The following NRG4 variants were observed in gnomAD, a reference collection of about 807,000 sequenced individuals.
NRG4 encodes the protein pro-neuregulin-4, membrane-bound isoform.
In NRG4, 10 loss-of-function variants were observed where a neutral mutation model predicts 15.0. The observed-to-expected ratio is 0.67, with a 90% CI of 0.41 to 1.13. NRG4 has a LOEUF of 1.13. Ranked by LOEUF, NRG4 falls within the 50% of genes most tolerant of loss-of-function variation. The probability of loss-of-function intolerance (pLI) is 0.00; values close to 1 mark genes in which losing one functional copy is unlikely to be tolerated. For synonymous variants in NRG4, 41 were observed against 50.1 expected (o/e 0.82, Z 0.77); for missense variants, 139 against 140.2 (o/e 0.99, Z 0.04).
chr15:75,983,464 G>A (rs938808151), intron 3 of NRG4, among the ~76,000 whole-genome samples: 1 of 152,072 alleles, frequency 6.6e-6, no homozygotes, highest in African/African-American at 2.4e-5. Context: ...AACACTCACT[G>A]CTACCCCTAT....
chr15:75,943,741 T>G, intron 5 of NRG4, 87 bp from the exon 6 acceptor site: 1 of 854,330 alleles, frequency 1.2e-6, no homozygotes, highest in Non-Finnish European at 1.9e-6. Flanking sequence ...CTTATCTTCT[T>G]CACATATATA....
intron 5 of NRG4, among the ~76,000 whole-genome samples, chr15:76,024,786 G>A (rs567804466): frequency 6.6e-6 from 1 of 152,288 alleles, no homozygotes; most frequent in Non-Finnish European, 1.5e-5. Flanking sequence ...GATTACAGCT[G>A]AAGAAACTAC....
chr15:75,960,177 G>A (rs1460359119), intron 4 of NRG4, among the ~76,000 whole-genome samples: 2 of 152,146 alleles, frequency 1.3e-5, no homozygotes, highest in Non-Finnish European at 2.9e-5. Flanking sequence ...AATAACAGAT[G>A]GAAACTATAT....
chr15:76,026,632 G>C (rs1335331593), intron 5 of NRG4, among the ~76,000 whole-genome samples: 1 of 152,042 alleles, frequency 6.6e-6, no homozygotes, highest in Non-Finnish European at 1.5e-5. Flanking sequence ...ATACAAAGGA[G>C]AAAGAGAAAG....
chr15:75,972,820 G>A lies in NRG4; in HGVS notation c.105-10846C>T, dbSNP rs115825215. On this transcript the variant is annotated intron_variant, in intron 3 of 5. Transcript: ENST00000394907. ...CAGGTAGGGGGATGCCTTCAGCTTT[G>A]TTCTTCTTGTCCAGGACTGTCTTGG... Among the ~76,000 whole-genome samples, 268 of 152,250 alleles carry A rather than the reference G, an allele frequency of 1.8e-3. 2 individuals carry two copies. The highest frequency in any genetic ancestry group is 6.2e-3 in the African/African-American group (257 of 41,552).
intron 3 of NRG4, among the ~76,000 whole-genome samples, chr15:75,995,523 C>CG (rs1354264030): frequency 1.3e-5 from 2 of 152,064 alleles, no homozygotes; most frequent in African/African-American, 4.8e-5. Flanking sequence ...CCCCCCCGCC[C>CG]CAAACACTAG....
chr15:75,956,139 A>C, intron 4 of NRG4, 128 bp from the exon 5 acceptor site: 1 of 604,274 alleles, frequency 1.7e-6, no homozygotes, highest in Non-Finnish European at 3.0e-6. Context: ...ATCAAATGAA[A>C]GTATAAACTT....
rs199675455 is a variant in NRG4 at position 75,959,335 on chromosome 15, ATATTCT to A, written c.251+2487_251+2492del. Among the ~76,000 whole-genome samples the A allele has an allele frequency of 9.4e-3, 1,425 of 152,200 alleles. 19 individuals are homozygous for A. The highest frequency in any genetic ancestry group is 0.031 in the African/African-American group (1,279 of 41,496). On this transcript the variant is annotated intron_variant, in intron 4 of 5. Transcript: ENST00000394907. ...TCAACAATTCCCAGTGGAATAGCAG[ATATTCT>A]TATAAATCCTTTGGTCACTATATTA...
intron 5 of NRG4, among the ~76,000 whole-genome samples, chr15:75,953,277 A>G (rs767976628): frequency 2.0e-5 from 3 of 152,174 alleles, no homozygotes; most frequent in Non-Finnish European, 4.4e-5. Flanking sequence ...AAAGACTATT[A>G]TTACCCCCCA....
chr15:75,939,642 T>C (rs980859716), downstream of NRG4: 4 of 152,140 alleles, frequency 2.6e-5, no homozygotes, highest in African/African-American at 7.2e-5. Context: ...CAATTGTCAA[T>C]ACTAGGAAAC....
At chr15:76,006,667 T>C (rs1043033029) in intron 3 of NRG4, among the ~76,000 whole-genome samples, 1 of 152,202 alleles carries the variant, frequency 6.6e-6, no homozygotes, top group Non-Finnish European at 1.5e-5. Flanking sequence ...TTTCAGCTAC[T>C]CCCAATTACT....
chr15:76,006,426 T>A (rs2034608031), intron 3 of NRG4, among the ~76,000 whole-genome samples: 1 of 152,240 alleles, frequency 6.6e-6, no homozygotes, highest in Non-Finnish European at 1.5e-5. Flanking sequence ...AATATGATTT[T>A]AAATATATCT....
chr15:75,979,119 A>T (rs933792286), intron 3 of NRG4, among the ~76,000 whole-genome samples: 2 of 152,154 alleles, frequency 1.3e-5, no homozygotes, highest in Non-Finnish European at 2.9e-5. Flanking sequence ...GAAGCTTTCT[A>T]GCCTGATGTA....
intron 3 of NRG4, 26 bp downstream of exon 3, chr15:76,009,174 A>C: frequency 1.9e-6 from 2 of 1,060,280 alleles, no homozygotes; most frequent in Non-Finnish European, 1.5e-6. Flanking sequence ...TAAAGTTAAC[A>C]TCTCCCCCTA....
chr15:76,045,678 A>T (rs748800342), intron 4 of NRG4, among the ~76,000 whole-genome samples: 12 of 151,060 alleles, frequency 7.9e-5, no homozygotes, highest in Admixed American at 1.3e-4. Context: ...CCAGGCACAG[A>T]AAAACAAACT....
intron 3 of NRG4, among the ~76,000 whole-genome samples, chr15:75,962,867 T>C (rs1427349732): frequency 6.6e-6 from 1 of 152,210 alleles, no homozygotes; most frequent in Non-Finnish European, 1.5e-5. Flanking sequence ...AAAAAGTGTA[T>C]GTGTGTGTAA....
intron 5 of NRG4, among the ~76,000 whole-genome samples, chr15:76,021,483 T>C (rs550402317): frequency 1.3e-5 from 2 of 152,378 alleles, no homozygotes; most frequent in East Asian, 3.9e-4. Context: ...TTTGCTTTAT[T>C]GCAGCAGTCT....
chr15:76,043,259 C>T (rs1037721544), intron 4 of NRG4, among the ~76,000 whole-genome samples: 1 of 152,180 alleles, frequency 6.6e-6, no homozygotes, highest in Non-Finnish European at 1.5e-5. Flanking sequence ...TGCCCACTTT[C>T]ACCACTGTTA....
rs973480434 is a variant in NRG4 at position 76,051,462 on chromosome 15, G to A, written c.-105+605C>T. On this transcript the variant is annotated intron_variant, in intron 4 of 8. Transcript: ENST00000563910. ...AGCCTAAAAGTTGAATTCTATTCAT[G>A]TTATTTTTAAATCACAAAGACCAGA... Among the ~76,000 whole-genome samples the A allele has an allele frequency of 6.0e-5, 9 of 150,624 alleles. 1 individual carries two copies. The highest frequency in any genetic ancestry group is 2.2e-4 in the African/African-American group (9 of 40,266).
Sources: gnomAD v4.1 joint callset for allele counts (sites outside exome capture counted in the v4.1 genomes callset) on GRCh38, gnomAD v4.1.1 for gene constraint, MANE v1.5 for transcripts, NCBI Gene and HGNC (gene_info 2026-07-23, HGNC 2026-07-21) for gene names.